Variants in WWOX observed in about 807,000 individuals in gnomAD.
WWOX encodes WW domain containing oxidoreductase.
In WWOX, 69 loss-of-function variants were observed where a neutral mutation model predicts 46.2. The observed-to-expected ratio is 1.49, with a 90% confidence interval of 1.23 to 1.82. The LOEUF is 1.82. WWOX is among the 40% of genes most tolerant of loss of function. WWOX has a pLI of 0.00. For synonymous variants in WWOX, 359 were observed against 202.6 expected, an observed-to-expected ratio of 1.77 and a Z score of -6.56; for missense variants, 919 against 542.6, an observed-to-expected ratio of 1.69 and a Z score of -6.89.
At chr16:79,146,280 G>A (rs1053011857) in intron 8 of WWOX, among the ~76,000 whole-genome samples, 1 of 152,120 alleles carries the variant, frequency 6.6e-6, no homozygotes, top group Non-Finnish European at 1.5e-5. Context: ...TTCTTGGAAT[G>A]TCAGCCTGAC....
intron 8 of WWOX, among the ~76,000 whole-genome samples, chr16:78,563,077 A>G (rs1282529538): frequency 6.6e-6 from 1 of 152,074 alleles, no homozygotes; most frequent in Non-Finnish European, 1.5e-5. Flanking sequence ...CTGATTTTAC[A>G]GCATACATAC....
chr16:78,720,241 T>C (rs1194878314), intron 8 of WWOX, among the ~76,000 whole-genome samples: 1 of 151,756 alleles, frequency 6.6e-6, no homozygotes, highest in Non-Finnish European at 1.5e-5. Context: ...TCTGATAGAC[T>C]TGAAGATTAT....
intron 8 of WWOX, among the ~76,000 whole-genome samples, chr16:78,940,835 G>A (rs1241813898): frequency 1.3e-5 from 2 of 151,788 alleles, no homozygotes; most frequent in Non-Finnish European, 2.9e-5. Context: ...GGTTGATCCC[G>A]GTGTAATGTA....
chr16:78,414,409 A>G (rs113525876), intron 6 of WWOX, among the ~76,000 whole-genome samples: 4,539 of 152,184 alleles, frequency 0.03, 216 homozygotes, highest in African/African-American at 0.1. Flanking sequence ...CATCTACTAA[A>G]AATACAAAAA....
intron 8 of WWOX, among the ~76,000 whole-genome samples, chr16:79,099,479 T>A (rs1009065834): frequency 1.3e-5 from 2 of 152,182 alleles, no homozygotes; most frequent in African/African-American, 4.8e-5. Context: ...CCATTCTAGC[T>A]GACTGTTGTC....
At chr16:78,926,692 G>A (rs572782760) in intron 8 of WWOX, among the ~76,000 whole-genome samples, 1 of 152,306 alleles carries the variant, frequency 6.6e-6, no homozygotes, top group South Asian at 2.1e-4. Context: ...GTGTTGTGGA[G>A]AAAGTTGTTT....
chr16:78,521,529 T>G (rs2043347868), intron 8 of WWOX, among the ~76,000 whole-genome samples: 1 of 152,200 alleles, frequency 6.6e-6, no homozygotes, highest in Non-Finnish European at 1.5e-5. Flanking sequence ...GTGTTTAGGT[T>G]TCCTCCTTCG....
At chr16:79,176,463 A>T (rs2050802061) in intron 8 of WWOX, among the ~76,000 whole-genome samples, 1 of 152,206 alleles carries the variant, frequency 6.6e-6, no homozygotes, top group African/African-American at 2.4e-5. Context: ...GATTTTTGTT[A>T]AGAAGCTGGC....
chr16:79,020,694 G>C (rs920661181), intron 8 of WWOX, among the ~76,000 whole-genome samples: 3 of 152,158 alleles, frequency 2.0e-5, no homozygotes, highest in Non-Finnish European at 2.9e-5. Flanking sequence ...GGGAGAGTGT[G>C]GTGAGTAGGA....
chr16:78,159,671 G>GTTTTTTTTTTTTTTTT (rs1343670783), intron 4 of WWOX, among the ~76,000 whole-genome samples: 3 of 84,600 alleles, frequency 3.5e-5, no homozygotes, highest in Non-Finnish European at 4.6e-5. Context: ...TAAAATCTGT[G>GTTTTTTTTTTTTTTTT]GTTTTTTTTT....
At chr16:78,776,917 C>G (rs1209702164) in intron 8 of WWOX, among the ~76,000 whole-genome samples, 1 of 152,162 alleles carries the variant, frequency 6.6e-6, no homozygotes, top group Non-Finnish European at 1.5e-5. Flanking sequence ...GGTCTCTCCC[C>G]TAACATGTGG....
At chr16:78,384,166 C>A (rs2082013046) in intron 5 of WWOX, among the ~76,000 whole-genome samples, 1 of 152,140 alleles carries the variant, frequency 6.6e-6, no homozygotes, top group South Asian at 2.1e-4. Context: ...GGGGTTTCCA[C>A]TGGGGGCTTG....
chr16:78,696,685 T>TGG (rs112053786), intron 8 of WWOX, among the ~76,000 whole-genome samples: 1,893 of 151,630 alleles, frequency 0.012, 16 homozygotes, highest in South Asian at 0.035. Flanking sequence ...CCACCTGTTT[T>TGG]GGGGGGGGTA....
chr16:78,329,154 C>G (rs746758032), intron 5 of WWOX, among the ~76,000 whole-genome samples: 1 of 152,142 alleles, frequency 6.6e-6, no homozygotes, highest in Non-Finnish European at 1.5e-5. Flanking sequence ...AGCTACCGCA[C>G]CCAGCCTGCT....
At chr16:79,080,522 A>G (rs1015384500) in intron 8 of WWOX, among the ~76,000 whole-genome samples, 3 of 152,204 alleles carry the variant, frequency 2.0e-5, no homozygotes, top group Non-Finnish European at 4.4e-5. Context: ...GAAGATCAGG[A>G]ATTTGCACAT....
At chr16:78,243,912 T>G (rs116367801) in intron 5 of WWOX, among the ~76,000 whole-genome samples, 5,682 of 152,240 alleles carry the variant, frequency 0.037, 150 homozygotes, top group African/African-American at 0.075. Context: ...TGAGAACATG[T>G]GGTAGTTGGT....
chr16:78,722,877 A>G lies in WWOX; in HGVS notation c.1056+290125A>G, dbSNP rs144327596. On this transcript the variant is annotated intron_variant, in intron 8 of 8. Coordinates refer to ENST00000566780, the MANE Select transcript of WWOX (RefSeq NM_016373.4). The stretch of plus-strand genomic sequence containing the variant: ...GCAACATAATGAAAACCTAATGTCT[A>G]CAAAAAGTATAAAAATTAGCCAGGC... Among the ~76,000 whole-genome samples the G allele has an allele frequency of 6.6e-4, 101 of 152,114 alleles. 1 individual carries two copies. The East Asian group carries it at 0.019, about 29-fold the overall frequency.
chr16:78,864,157 A>G (rs1482404280), intron 8 of WWOX, among the ~76,000 whole-genome samples: 2 of 152,152 alleles, frequency 1.3e-5, no homozygotes. Context: ...CTGGGAGTGG[A>G]ATTACGGGGT....
At chr16:78,871,173 G>GTT (rs34322186) in intron 8 of WWOX, among the ~76,000 whole-genome samples, 21 of 133,752 alleles carry the variant, frequency 1.6e-4, no homozygotes, top group East Asian at 2.3e-4. Context: ...CGTGAAGGTT[G>GTT]TTTTTTTTTT....
Sources: allele counts gnomAD v4.1 joint callset (sites outside exome capture counted in the v4.1 genomes callset), GRCh38; gene constraint gnomAD v4.1.1; transcripts MANE v1.5; gene names NCBI Gene and HGNC (gene_info 2026-07-23, HGNC 2026-07-21).